The following EML4 variants were observed in gnomAD, a reference collection of about 807,000 sequenced individuals.
EML4 encodes the protein echinoderm microtubule-associated protein-like 4.
A neutral mutation model predicts 129.0 loss-of-function variants in EML4; 72 were observed. The ratio of observed to expected loss-of-function variants is 0.56; its 90% CI spans 0.46 to 0.68. EML4 has a LOEUF of 0.68. Ranked by LOEUF, EML4 falls within the 30% of genes least tolerant of loss-of-function variation. EML4 has a pLI of 0.00. For missense variants in EML4, 1,363 were observed against 1,190.6 expected (o/e 1.14, Z -2.13); for synonymous variants, 532 against 405.0 (o/e 1.31, Z -3.77).
chr2:42,170,173 G>A (rs1670184741), intron 1 of EML4: 1 of 152,560 alleles, frequency 6.6e-6, no homozygotes. Flanking sequence ...AGATTTGAAG[G>A]CGACTTTCCA....
At chr2:42,260,250 C>T (rs1665644047) in intron 3 of EML4, among the ~76,000 whole-genome samples, 2 of 152,140 alleles carry the variant, frequency 1.3e-5, no homozygotes, top group Admixed American at 1.3e-4. Context: ...TCACTGCAAA[C>T]TCCGCCTCCC....
At chr2:42,280,809 GA>G (rs1558570007) in intron 6 of EML4, 40 bp from the exon 7 acceptor site, 1 of 1,524,758 alleles carries the variant, frequency 6.6e-7, no homozygotes, top group East Asian at 2.3e-5. Context: ...TGACTATACA[GA>G]AAATACGTAT....
chr2:42,235,636 G>A (rs1468227505), intron 1 of EML4, among the ~76,000 whole-genome samples: 1 of 152,146 alleles, frequency 6.6e-6, no homozygotes, highest in African/African-American at 2.4e-5. Context: ...GGAGATCAGA[G>A]ACTATTTCAA....
intron 17 of EML4, among the ~76,000 whole-genome samples, chr2:42,306,484 CT>C (rs375707062): frequency 1.7e-3 from 130 of 74,592 alleles, no homozygotes; most frequent in East Asian, 2.8e-3. Context: ...GTGCTAAATC[CT>C]TTTTTTTTTT....
At chr2:42,209,772 A>G (rs903020446) in intron 1 of EML4, among the ~76,000 whole-genome samples, 45 of 152,152 alleles carry the variant, frequency 3.0e-4, no homozygotes, top group Admixed American at 2.9e-3. Flanking sequence ...TCTATTAAAA[A>G]TACAAAATTA....
At chr2:42,214,384 T>C (rs2104047917) in intron 1 of EML4, among the ~76,000 whole-genome samples, 1 of 152,330 alleles carries the variant, frequency 6.6e-6, no homozygotes, top group South Asian at 2.1e-4. Flanking sequence ...CCCAACTATG[T>C]AGCTTTTTCC....
intron 1 of EML4, among the ~76,000 whole-genome samples, chr2:42,222,719 T>C (rs1673683953): frequency 6.6e-6 from 1 of 152,196 alleles, no homozygotes; most frequent in African/African-American, 2.4e-5. Flanking sequence ...GGAAACTAAC[T>C]TAAAATATAT....
chr2:42,189,450 C>T (rs1358817283), intron 1 of EML4, among the ~76,000 whole-genome samples: 1 of 152,122 alleles, frequency 6.6e-6, no homozygotes, highest in Non-Finnish European at 1.5e-5. Context: ...CGTGGTAGTG[C>T]ATATCTGCAG....
intron 1 of EML4, among the ~76,000 whole-genome samples, chr2:42,211,475 C>A (rs1056439697): frequency 6.6e-6 from 1 of 152,154 alleles, no homozygotes; most frequent in African/African-American, 2.4e-5. Flanking sequence ...TGGGTGGAAT[C>A]TTGTGTTGCT....
Position 42,329,928 on chromosome 2 carries a change from T to G in EML4, c.2667T>G (p.Thr889=). Residue 889 remains threonine (T), a synonymous_variant, in exon 23 of 23, where the codon ACT becomes ACG. Coordinates refer to ENST00000318522, the MANE Select transcript of EML4 (RefSeq NM_019063.5). ...TAACCAAAGCCCCCGTCTCTTCCAC[T>G]GAAAGTGTCATCCAATCTAATACTC... is the stretch of plus-strand genomic sequence containing the variant. ...TTLTKAPVSS[T]ESVIQSNTPT... 2 of 1,614,066 alleles carry G rather than the reference T, an allele frequency of 1.2e-6. No homozygotes were observed. Among genetic ancestry groups the G allele is most frequent in the Non-Finnish European group, 1.7e-6 (2 of 1,180,014 alleles).
intron 4 of EML4, among the ~76,000 whole-genome samples, chr2:42,262,375 C>T (rs1170739107): frequency 6.6e-6 from 1 of 152,064 alleles, no homozygotes; most frequent in Non-Finnish European, 1.5e-5. Flanking sequence ...AGCTTATTAA[C>T]GTTACATAAC....
chr2:42,310,134 T>C (rs946342422), intron 17 of EML4, among the ~76,000 whole-genome samples: 2 of 152,200 alleles, frequency 1.3e-5, no homozygotes, highest in African/African-American at 4.8e-5. Flanking sequence ...TGAAAACAAA[T>C]TGGCCAAAGA....
chr2:42,282,337 A>G (rs976712036), intron 7 of EML4, among the ~76,000 whole-genome samples: 1 of 143,842 alleles, frequency 7.0e-6, no homozygotes, highest in Non-Finnish European at 1.5e-5. Flanking sequence ...ACATACTGAA[A>G]GAGTCAGGTT....
At chr2:42,231,763 T>C (rs1314227018) in intron 1 of EML4, among the ~76,000 whole-genome samples, 1 of 152,072 alleles carries the variant, frequency 6.6e-6, no homozygotes, top group Non-Finnish European at 1.5e-5. Flanking sequence ...TCCTGGCTAA[T>C]ATGGTGAAAC....
At chr2:42,183,583 GTA>G (rs1671076535) in intron 1 of EML4, among the ~76,000 whole-genome samples, 4 of 152,170 alleles carry the variant, frequency 2.6e-5, no homozygotes, top group African/African-American at 4.8e-5. Flanking sequence ...TTTGGTATAT[GTA>G]TATGTATGTA....
chr2:42,211,501 C>G (rs779584155), intron 1 of EML4, among the ~76,000 whole-genome samples: 21 of 152,132 alleles, frequency 1.4e-4, no homozygotes, highest in African/African-American at 4.8e-4. Flanking sequence ...CTGGAGTAGT[C>G]GGAAATTGTC....
chr2:42,235,600 A>T (rs1163260956), intron 1 of EML4, among the ~76,000 whole-genome samples: 1 of 152,202 alleles, frequency 6.6e-6, no homozygotes, highest in East Asian at 1.9e-4. Flanking sequence ...GCTGCACAGT[A>T]TCTCAGCATA....
intron 1 of EML4, 127 bp downstream of exon 1, chr2:42,169,763 C>T (rs1232335253): frequency 1.9e-6 from 2 of 1,068,322 alleles, no homozygotes; most frequent in East Asian, 6.1e-5. Context: ...CACATGTTCC[C>T]TTCGAGGCTG....
chr2:42,330,099 C>T lies in EML4; in HGVS notation c.2838C>T (p.Ser946=), dbSNP rs141197930. The change falls in exon 23 of 23, where the codon AGC becomes AGT. Residue 946 remains serine (S), a synonymous_variant. Coordinates refer to ENST00000318522, the MANE Select transcript of EML4 (RefSeq NM_019063.5). Reference sequence around the variant, plus strand: ...GCGAGGAGGAGAGTGAAGAGGGCAGCGGAGACCTTGGTGAGCCTCTTTATG... The same window carrying T: ...GCGAGGAGGAGAGTGAAGAGGGCAGTGGAGACCTTGGTGAGCCTCTTTATG... ...DHSEEESEEG[S]GDLGEPLYEE... 553 of 1,612,616 alleles carry T rather than the reference C, an allele frequency of 3.4e-4. No homozygotes were observed. In the African/African-American group the frequency reaches 6.6e-3, roughly 19 times the overall value.
Sources: allele counts gnomAD v4.1 joint callset (sites outside exome capture counted in the v4.1 genomes callset), GRCh38; gene constraint gnomAD v4.1.1; transcripts MANE v1.5; gene names NCBI Gene and HGNC (gene_info 2026-07-23, HGNC 2026-07-21).